Variants in SRBD1 observed in about 807,000 individuals in gnomAD.
SRBD1 encodes the protein S1 RNA-binding domain-containing protein 1.
Under a neutral mutation model 115.3 loss-of-function variants are expected in SRBD1, and 88 were observed. The ratio of observed to expected loss-of-function variants is 0.76; its 90% confidence interval spans 0.64 to 0.91. SRBD1 has a LOEUF of 0.91. SRBD1 is among the 40% of genes least tolerant of loss of function. The pLI is 0.00. For synonymous variants in SRBD1, 509 were observed against 407.7 expected (o/e 1.25, Z -2.99); for missense variants, 1,385 against 1,177.4 (o/e 1.18, Z -2.58).
At chr2:45,561,445 T>C (rs1672661586) in intron 10 of SRBD1, among the ~76,000 whole-genome samples, 1 of 152,218 alleles carries the variant, frequency 6.6e-6, no homozygotes, top group Admixed American at 6.5e-5. Flanking sequence ...AACAAAACAG[T>C]TGTGTTGAAT....
chr2:45,478,507 C>T (rs1295249902), intron 15 of SRBD1, among the ~76,000 whole-genome samples: 1 of 152,096 alleles, frequency 6.6e-6, no homozygotes, highest in Non-Finnish European at 1.5e-5. Context: ...TATTTTTCTC[C>T]CAGAAGAGAC....
intron 20 of SRBD1, among the ~76,000 whole-genome samples, chr2:45,391,699 G>A (rs1167075526): frequency 6.6e-6 from 1 of 152,172 alleles, no homozygotes; most frequent in Non-Finnish European, 1.5e-5. Context: ...GAGCCCAGAT[G>A]CATCTGTCTT....
Position 45,546,385 on chromosome 2 carries a change from T to C in SRBD1, c.1874+347A>G, listed in dbSNP as rs1672119614. The C allele has an allele frequency of 7.2e-6, 7 of 974,354 alleles. No individual in the cohort carries two copies. The South Asian group carries it at 3.3e-4, about 46-fold the overall frequency. 60.4% of individuals were successfully genotyped at this position (974,354 alleles called of 1,614,324 possible). ...GCTTTGGGAGAAAAAGGCTAAGTTA[T>C]TCACAGTCTACTAGCTGCTAGCCTG... On this transcript the variant is annotated intron_variant, in intron 14 of 20. Transcript: ENST00000263736.
At chr2:45,496,367 T>C (rs1670459832) in intron 14 of SRBD1, among the ~76,000 whole-genome samples, 1 of 151,632 alleles carries the variant, frequency 6.6e-6, no homozygotes. Context: ...TGCTATATTT[T>C]CCCAATAATA....
chr2:45,599,902 C>A, intron 3 of SRBD1, 67 bp from the exon 4 acceptor site: 1 of 1,483,036 alleles, frequency 6.7e-7, no homozygotes, highest in South Asian at 1.3e-5. Flanking sequence ...GACTATTACT[C>A]ACAAATAAAA....
At chr2:45,575,469 G>A (rs1425978862) in intron 7 of SRBD1, among the ~76,000 whole-genome samples, 1 of 152,138 alleles carries the variant, frequency 6.6e-6, no homozygotes, top group Non-Finnish European at 1.5e-5. Flanking sequence ...CTATTTGCAT[G>A]AAACGTTTTT....
intron 10 of SRBD1, among the ~76,000 whole-genome samples, chr2:45,557,130 C>T (rs546088545): frequency 6.6e-6 from 1 of 152,008 alleles, no homozygotes; most frequent in South Asian, 2.1e-4. Flanking sequence ...ATAAGGTTAG[C>T]GCTTCTAGGA....
intron 9 of SRBD1, among the ~76,000 whole-genome samples, chr2:45,571,057 G>A (rs1672990460): frequency 6.6e-6 from 1 of 152,112 alleles, no homozygotes; most frequent in African/African-American, 2.4e-5. Flanking sequence ...TCCTGGGCAT[G>A]CTGAGGGCTA....
intron 19 of SRBD1, among the ~76,000 whole-genome samples, chr2:45,398,373 A>G (rs1185463464): frequency 6.6e-6 from 1 of 152,116 alleles, no homozygotes; most frequent in Admixed American, 6.5e-5. Flanking sequence ...AAGAAAAAAA[A>G]AAGAAATGAC....
intron 16 of SRBD1, among the ~76,000 whole-genome samples, chr2:45,445,067 C>G (rs143726168): frequency 1.3e-5 from 2 of 152,160 alleles, no homozygotes; most frequent in Admixed American, 6.5e-5. Flanking sequence ...TTGCTTTTAA[C>G]TAATCCAGTA....
At chr2:45,403,274 G>T (rs1254814658) in intron 19 of SRBD1, among the ~76,000 whole-genome samples, 1 of 151,704 alleles carries the variant, frequency 6.6e-6, no homozygotes, top group Non-Finnish European at 1.5e-5. Context: ...TGATCTATGT[G>T]TTCTACCAAC....
intron 15 of SRBD1, among the ~76,000 whole-genome samples, chr2:45,480,539 G>A (rs1273969444): frequency 6.6e-6 from 1 of 152,200 alleles, no homozygotes; most frequent in Non-Finnish European, 1.5e-5. Flanking sequence ...GCCTGAAGAT[G>A]TGACTGAATT....
At chr2:45,549,058 G>A (rs1360124178) in intron 12 of SRBD1, 4 of 152,156 alleles carry the variant, frequency 2.6e-5, no homozygotes, top group African/African-American at 9.7e-5. Flanking sequence ...AGCACAAAGG[G>A]GATCCAGTAC....
intron 6 of SRBD1, among the ~76,000 whole-genome samples, chr2:45,581,366 A>G (rs1240002408): frequency 4.6e-5 from 7 of 152,216 alleles, no homozygotes; most frequent in Non-Finnish European, 1.0e-4. Context: ...TCACGTACCA[A>G]CTACAGGCTG....
intron 12 of SRBD1, chr2:45,549,013 A>T (rs1672207999): frequency 6.6e-6 from 1 of 152,242 alleles, no homozygotes; most frequent in Non-Finnish European, 1.5e-5. Context: ...CTCAACAGTC[A>T]GTTTGAGAAC....
rs538617422 is a variant in SRBD1 at position 45,478,011 on chromosome 2, G to A, written c.1967-936C>T. 2.5e-4 allele frequency among the ~76,000 whole-genome samples: 35 copies of A among 141,390 alleles called. No homozygotes were observed. In the South Asian group the frequency reaches 4.5e-3, roughly 18 times the overall value. The allele number at this position is 141,390 out of a possible 152,430, so 92.8% of individuals were successfully genotyped here. A position where few individuals can be genotyped will look rare whatever the true frequency, so the allele number is the denominator to read the frequency against. On this transcript the variant is annotated intron_variant, in intron 15 of 20. Coordinates refer to ENST00000263736, the MANE Select transcript of SRBD1 (RefSeq NM_018079.5). ...TCAATAAAAATTCACATCTAATTTC[G>A]TTTATAAGATAGATTTAGCTAGAAA...
chr2:45,602,548 T>C (rs1436516075), intron 2 of SRBD1, among the ~76,000 whole-genome samples: 3 of 152,208 alleles, frequency 2.0e-5, no homozygotes, highest in African/African-American at 7.2e-5. Flanking sequence ...GGAAACACAC[T>C]AAATTACATT....
At chr2:45,554,729 A>G (rs1193024269) in intron 10 of SRBD1, among the ~76,000 whole-genome samples, 1 of 152,170 alleles carries the variant, frequency 6.6e-6, no homozygotes, top group Non-Finnish European at 1.5e-5. Flanking sequence ...ATGAAAATAA[A>G]CCAAGCTGGC....
rs1667901050 is a variant in SRBD1 at position 45,418,499 on chromosome 2, A to G, written c.2199T>C (p.Ile733=). The G allele has an allele frequency of 1.2e-6, 2 of 1,614,024 alleles. No individual in the cohort carries two copies. The highest frequency in any genetic ancestry group is 4.5e-5 in the East Asian group (2 of 44,880). ...GLNANRAKNI[I]EWREKNGPFI... is the part of the protein sequence containing the mutation. ...AGGGTCCATTTTTCTCTCGCCATTC[A>G]ATAATATTTTTGGCCCTGTTGGCAT... The change falls in exon 18 of 21, where the codon ATT becomes ATC. Residue 733 remains isoleucine (I), a synonymous_variant. Transcript: ENST00000263736.
Sources: gnomAD v4.1 joint callset for allele counts (sites outside exome capture counted in the v4.1 genomes callset) on GRCh38, gnomAD v4.1.1 for gene constraint, MANE v1.5 for transcripts, NCBI Gene and HGNC (gene_info 2026-07-23, HGNC 2026-07-21) for gene names.